CPEB1: variants seen among roughly 807,000 people sequenced by gnomAD.
The protein encoded by CPEB1 is cytoplasmic polyadenylation element binding protein 1.
In CPEB1, 7 loss-of-function variants were observed where a neutral mutation model predicts 65.8. That is an observed-to-expected ratio of 0.11 (90% CI 0.06 to 0.20). CPEB1 has a LOEUF of 0.20. Ranked by LOEUF, CPEB1 falls within the 10% of genes least tolerant of loss-of-function variation. The pLI is 1.00. For missense variants in CPEB1, 551 were observed against 712.2 expected (o/e 0.77, Z 2.58); for synonymous variants, 262 against 260.0 (o/e 1.01, Z -0.08).
chr15:82,606,817 C>CAAAAAAA (rs56078202), intron 3 of CPEB1, among the ~76,000 whole-genome samples: 1 of 82,984 alleles, frequency 1.2e-5, no homozygotes, highest in African/African-American at 4.8e-5. Context: ...GACTCCGTCT[C>CAAAAAAA]AAAAAAAAAA....
In CPEB1 at chr15:82,558,000, A is replaced by C; in HGVS notation, c.461-14T>G. 1 of 1,539,262 alleles carries C rather than the reference A, an allele frequency of 6.5e-7. No individual in the cohort carries two copies. The highest frequency in any genetic ancestry group is 8.8e-7 in the Non-Finnish European group (1 of 1,137,476). On this transcript the variant is annotated splice_polypyrimidine_tract_variant and intron_variant, in intron 4 of 12. Transcript: ENST00000684509. The stretch of plus-strand genomic sequence containing the variant: ...GCATGCTCAGTACTAGGAGGACAAA[A>C]AAGGAAACCTCATGACCTCTTAGTT...
chr15:82,624,625 G>A (rs1054936405), intron 3 of CPEB1, among the ~76,000 whole-genome samples: 1 of 152,122 alleles, frequency 6.6e-6, no homozygotes, highest in Non-Finnish European at 1.5e-5. Context: ...CCAGACCCTG[G>A]CATCTTACCA....
At chr15:82,600,454 A>G (rs561083426) in intron 3 of CPEB1, among the ~76,000 whole-genome samples, 2 of 149,768 alleles carry the variant, frequency 1.3e-5, no homozygotes, top group African/African-American at 2.5e-5. Flanking sequence ...AAATTCAGAG[A>G]AAAAAAAAAC....
At chr15:82,646,463 G>T (rs1207025427) in intron 1 of CPEB1, among the ~76,000 whole-genome samples, 3 of 152,122 alleles carry the variant, frequency 2.0e-5, no homozygotes, top group Admixed American at 2.0e-4. Context: ...CGGGGCGGGG[G>T]AGGAGAGACG....
chr15:82,593,262 G>T (rs1567207653), intron 3 of CPEB1, among the ~76,000 whole-genome samples: 1 of 152,210 alleles, frequency 6.6e-6, no homozygotes, highest in Non-Finnish European at 1.5e-5. Context: ...CAAAATTGGA[G>T]TCAATCCTCT....
chr15:82,606,962 G>C (rs1333039325), intron 3 of CPEB1, among the ~76,000 whole-genome samples: 1 of 151,594 alleles, frequency 6.6e-6, no homozygotes, highest in Non-Finnish European at 1.5e-5. Context: ...GCAAGACTTT[G>C]TCTCTTTAAA....
chr15:82,573,397 C>G (rs1455848151), intron 3 of CPEB1, among the ~76,000 whole-genome samples: 2 of 151,802 alleles, frequency 1.3e-5, no homozygotes, highest in Non-Finnish European at 2.9e-5. Flanking sequence ...CTACCCCTGA[C>G]TACTCCCCTC....
chr15:82,595,137 G>A (rs965303272), intron 3 of CPEB1, among the ~76,000 whole-genome samples: 4 of 152,164 alleles, frequency 2.6e-5, no homozygotes, highest in African/African-American at 7.2e-5. Flanking sequence ...TGTATAAAAC[G>A]CTGTATCTGT....
In CPEB1 at chr15:82,574,722, C is replaced by CAAAAAAAAAAA. The variant is rs534968367; in HGVS notation, c.272-3201_272-3191dup. ...TGGGCAACAGAGCTAGACTCGGTCT[C>CAAAAAAAAAAA]AAAAAAAAAAAAAAAAAAAAAAAAA... On this transcript the variant is annotated intron_variant, in intron 3 of 12. Transcript: ENST00000684509. Among the ~76,000 whole-genome samples, 264 of 53,474 alleles carry CAAAAAAAAAAA rather than the reference C, an allele frequency of 4.9e-3. 8 individuals carry two copies. The highest frequency in any genetic ancestry group is 5.8e-3 in the African/African-American group (79 of 13,692). The allele number at this position is 53,474 out of a possible 152,430, so 35.1% of individuals were successfully genotyped here.
At chr15:82,624,788 C>A (rs1294288727) in intron 3 of CPEB1, among the ~76,000 whole-genome samples, 1 of 152,048 alleles carries the variant, frequency 6.6e-6, no homozygotes, top group East Asian at 1.9e-4. Flanking sequence ...ATCTCTGAAA[C>A]AACCCAGTGA....
intron 11 of CPEB1, among the ~76,000 whole-genome samples, chr15:82,546,791 A>G (rs1319518795): frequency 6.6e-6 from 1 of 152,148 alleles, no homozygotes; most frequent in Non-Finnish European, 1.5e-5. Flanking sequence ...TCTTCTAGGC[A>G]AACTGTACCT....
intron 4 of CPEB1, among the ~76,000 whole-genome samples, chr15:82,567,192 G>A (rs1489964896): frequency 1.3e-5 from 2 of 152,122 alleles, no homozygotes; most frequent in South Asian, 2.1e-4. Context: ...TCTGAATGTC[G>A]CCTCAGAATG....
intron 1 of CPEB1, among the ~76,000 whole-genome samples, chr15:82,641,233 TA>T (rs143277353): frequency 2.0e-5 from 3 of 150,154 alleles, no homozygotes; most frequent in Non-Finnish European, 3.0e-5. Context: ...ATTACAGCTT[TA>T]AAAAAAAACA....
rs181952653 is a variant in CPEB1, at chr15:82,603,903, T to C, written c.271+23290A>G. ...CAGACTTGCTACATTATTTCCAATG[T>C]CCAATTTTCAAGACAAAATTTATAA... is the stretch of plus-strand genomic sequence containing the variant. On this transcript the variant is annotated intron_variant, in intron 3 of 12. Transcript: ENST00000684509. Among the ~76,000 whole-genome samples, 347 of 152,294 alleles carry C rather than the reference T, an allele frequency of 2.3e-3. 7 individuals carry two copies. The highest frequency in any genetic ancestry group is 4.3e-4 in the Non-Finnish European group (29 of 68,026).
intron 3 of CPEB1, among the ~76,000 whole-genome samples, chr15:82,610,982 A>AG (rs2044096514): frequency 2.1e-5 from 3 of 141,228 alleles, no homozygotes; most frequent in Non-Finnish European, 4.6e-5. Context: ...AAAAAAAAAA[A>AG]AAAAAAGAAA....
chr15:82,634,445 T>A (rs1473825737), intron 1 of CPEB1, among the ~76,000 whole-genome samples: 2 of 152,230 alleles, frequency 1.3e-5, no homozygotes, highest in African/African-American at 4.8e-5. Context: ...CGTAAATGAA[T>A]GCCAACTATC....
intron 4 of CPEB1, 120 bp from the exon 5 acceptor site, chr15:82,558,106 C>G (rs1351187273): frequency 1.5e-6 from 1 of 657,360 alleles, no homozygotes; most frequent in African/African-American, 1.8e-5. Flanking sequence ...AAAAGCATGC[C>G]AGCAAAACAC....
chr15:82,548,687 G>A (rs2035717361), intron 10 of CPEB1: 1 of 455,768 alleles, frequency 2.2e-6, no homozygotes, highest in South Asian at 1.6e-5. Flanking sequence ...TATTAAGAGA[G>A]CTGGAAGAAG....
At position 82,605,987 on chromosome 15, in the gene CPEB1, G is replaced by A. The variant is rs748649613; in HGVS notation, c.271+21206C>T. ...CAGGAGGCAGAGGTTGTGGTGAGGC[G>A]AGATCGCGCCATTGTACTCCAGCCT... On this transcript the variant is annotated intron_variant, in intron 3 of 12. Transcript: ENST00000684509. Among the ~76,000 whole-genome samples, 7 of 151,996 alleles carry A rather than the reference G, an allele frequency of 4.6e-5. No individual in the cohort carries two copies. The East Asian group carries it at 1.2e-3, about 25-fold the overall frequency.
Sources: gnomAD v4.1 joint callset for allele counts (sites outside exome capture counted in the v4.1 genomes callset) on GRCh38, gnomAD v4.1.1 for gene constraint, MANE v1.5 for transcripts, NCBI Gene and HGNC (gene_info 2026-07-23, HGNC 2026-07-21) for gene names.